ZNF274: variants seen among roughly 807,000 people sequenced by gnomAD.
The protein encoded by ZNF274 is zinc finger protein 274, also known as neurotrophin receptor-interacting factor homolog.
ZNF274 carries 23 observed loss-of-function variants against 42.5 expected under a neutral mutation model. That is an observed-to-expected ratio of 0.54 (90% CI 0.39 to 0.77). ZNF274 has a LOEUF of 0.77. ZNF274 is among the 30% of genes least tolerant of loss of function. The pLI is 0.00. For missense variants in ZNF274, 679 were observed against 806.5 expected (o/e 0.84, Z 1.91); for synonymous variants, 292 against 305.4 (o/e 0.96, Z 0.46).
intron 4 of ZNF274, among the ~76,000 whole-genome samples, chr19:58,190,558 A>G (rs948238899): frequency 3.9e-5 from 6 of 152,278 alleles, no homozygotes; most frequent in African/African-American, 1.2e-4. Flanking sequence ...AATATCTTCT[A>G]TTTCCCTTCT....
At position 58,212,362 on chromosome 19, in the gene ZNF274, T is replaced by G; in HGVS notation, c.1181T>G (p.Leu394Arg). Residue 394 changes from leucine (L) to arginine (R), a missense_variant, in exon 8 of 8, where the codon CTT (leucine) becomes CGT (arginine). Leu to Arg is a moderately radical substitution (Grantham distance 102). Around this residue, in one of 2 missense-constraint regions of ZNF274, gnomAD observed 456 missense variants for 590.1 expected, o/e 0.77. Transcript: ENST00000617501. The surrounding 1 kb of genome is among the most constrained non-coding windows in gnomAD (Gnocchi z 4.6). ...ATGGAGTCTGCTCAGGAAAAAGACC[T>G]TCCTCAGAAGAAGCACTTTGACAAC... ...KQMESAQEKD[L>R]PQKKHFDNRE... 1 of 1,613,934 alleles carries G rather than the reference T, an allele frequency of 6.2e-7. No homozygotes were observed. Among genetic ancestry groups the G allele is most frequent in the South Asian group, 1.1e-5 (1 of 91,078 alleles).
chr19:58,186,754 G>C (rs760511229), intron 3 of ZNF274, among the ~76,000 whole-genome samples, 193 bp from the exon 4 acceptor site: 5 of 150,588 alleles, frequency 3.3e-5, no homozygotes, highest in Non-Finnish European at 4.4e-5. Context: ...GACCAGAACT[G>C]GACCCCTTAG....
intron 4 of ZNF274, among the ~76,000 whole-genome samples, chr19:58,194,732 G>A (rs1444336265): frequency 1.4e-5 from 2 of 146,814 alleles, no homozygotes; most frequent in Non-Finnish European, 3.1e-5. Flanking sequence ...CTTCGGCCGG[G>A]CGCGGTGGCT....
In ZNF274 at chr19:58,207,247, T is replaced by G. The variant is rs998898533; in HGVS notation, c.739+45T>G. The G allele has an allele frequency of 6.4e-7, 1 of 1,556,820 alleles. No individual in the cohort carries two copies. Among genetic ancestry groups the G allele is most frequent in the East Asian group, 2.3e-5 (1 of 44,132 alleles). Reference sequence around the variant, plus strand: ...GAGGGACAGCTTAATGAGGGTGTCTTGGAGTACCCTGTGGGGGAGATAAGA... The same window carrying G: ...GAGGGACAGCTTAATGAGGGTGTCTGGGAGTACCCTGTGGGGGAGATAAGA... On this transcript the variant is annotated intron_variant, in intron 5 of 7. Transcript: ENST00000617501. This position sits in a 1 kb window ranked among gnomAD's most constrained non-coding sequence, Gnocchi z 5.6.
chr19:58,193,931 A>T (rs181756933), intron 4 of ZNF274, among the ~76,000 whole-genome samples: 7 of 152,090 alleles, frequency 4.6e-5, no homozygotes, highest in Non-Finnish European at 8.8e-5. Context: ...GTCTCAAAAA[A>T]ATATATCTAT....
rs1197362213 is a variant in ZNF274 at position 58,184,740 on chromosome 19, T to G, written c.33+742T>G. On this transcript the variant is annotated intron_variant, in intron 2 of 7. Transcript: ENST00000617501. ...AAGCATCAGGGCCCTGGGTAGGGGC[T>G]GACGGCTTGGGTGTGATGGTGCAGC... 5 of 152,290 alleles carry G rather than the reference T, an allele frequency of 3.3e-5. No individual in the cohort carries two copies. In the East Asian group the frequency reaches 9.6e-4, roughly 29 times the overall value. 9.4% of individuals were successfully genotyped at this position (152,290 alleles called of 1,614,324 possible). A position where few individuals can be genotyped will look rare whatever the true frequency, so the allele number is the denominator to read the frequency against.
At chr19:58,187,481 G>A (rs1437629593) in intron 4 of ZNF274, among the ~76,000 whole-genome samples, 5 of 152,306 alleles carry the variant, frequency 3.3e-5, no homozygotes, top group African/African-American at 1.2e-4. Flanking sequence ...GAGTGCAGTG[G>A]CATGATCTCA....
chr19:58,197,556 C>G (rs550356110), intron 4 of ZNF274, among the ~76,000 whole-genome samples: 1 of 152,140 alleles, frequency 6.6e-6, no homozygotes, highest in South Asian at 2.1e-4. Flanking sequence ...TCTGTATGTC[C>G]CCATTTGCTA....
Position 58,209,992 on chromosome 19 carries a change from C to T in ZNF274, c.771C>T (p.Thr257=), listed in dbSNP as rs1411093552. 8 of 1,613,412 alleles carry T rather than the reference C, an allele frequency of 5.0e-6. No individual in the cohort carries two copies. The highest frequency in any genetic ancestry group is 6.8e-6 in the Non-Finnish European group (8 of 1,179,756). ...VLPAGQPAEG[T]TCCLEVTAQQ... is the part of the protein sequence containing the mutation. Reference sequence around the variant, plus strand: ...CTGCAGGACAACCTGCCGAGGGCACCACCTGCTGCCTCGAGGTCACTGCCC... The same window carrying T: ...CTGCAGGACAACCTGCCGAGGGCACTACCTGCTGCCTCGAGGTCACTGCCC... The change falls in exon 6 of 8, where the codon ACC becomes ACT. Residue 257 remains threonine (T), a synonymous_variant. Coordinates refer to ENST00000617501, the MANE Select transcript of ZNF274 (RefSeq NM_133502.3).
In ZNF274 at chr19:58,207,221, A is replaced by C. The variant is rs368549439; in HGVS notation, c.739+19A>C. On this transcript the variant is annotated intron_variant, in intron 5 of 7. Coordinates refer to ENST00000617501, the MANE Select transcript of ZNF274 (RefSeq NM_133502.3). This position sits in a 1 kb window ranked among gnomAD's most constrained non-coding sequence, Gnocchi z 5.6. ...GAGGAAGGTAAGTAGAAGGGTGGGT[A>C]GAGGGACAGCTTAATGAGGGTGTCT... 27 of 1,595,934 alleles carry C rather than the reference A, an allele frequency of 1.7e-5. 1 individual carries two copies. The highest frequency in any genetic ancestry group is 1.9e-5 in the Non-Finnish European group (22 of 1,170,240).
intron 5 of ZNF274, chr19:58,209,347 G>C (rs892286731): frequency 6.6e-6 from 1 of 152,398 alleles, no homozygotes; most frequent in African/African-American, 2.4e-5. Flanking sequence ...TTGATGGTGG[G>C]GGTAGATTAG....
At chr19:58,194,371 CTTTTTTT>C (rs766266627) in intron 4 of ZNF274, among the ~76,000 whole-genome samples, 661 of 64,184 alleles carry the variant, frequency 0.01, 3 homozygotes, top group Non-Finnish European at 0.015. Flanking sequence ...TGTTTTTTAC[CTTTTTTT>C]TTTTTTTTTT....
rs34444681 is a variant in ZNF274 at position 58,203,579 on chromosome 19, CA to C, written c.257-3124del. Among the ~76,000 whole-genome samples the C allele has an allele frequency of 4.6e-3, 369 of 80,266 alleles. 1 individual carries two copies. Among genetic ancestry groups the C allele is most frequent in the South Asian group, 0.011 (21 of 2,000 alleles). The allele number at this position is 80,266 out of a possible 152,430, so 52.7% of individuals were successfully genotyped here. On this transcript the variant is annotated intron_variant, in intron 4 of 7. Coordinates refer to ENST00000617501, the MANE Select transcript of ZNF274 (RefSeq NM_133502.3). The stretch of plus-strand genomic sequence containing the variant: ...GGCGACTAAGAGCGAAACTCCGTCT[CA>C]AAAAAAAAAAAAAAAAGAAAAAAAC...
chr19:58,197,140 C>T (rs2445857), intron 4 of ZNF274, among the ~76,000 whole-genome samples: 26,980 of 152,144 alleles, frequency 0.18, 3,080 homozygotes, highest in East Asian at 0.36. Flanking sequence ...TACCTGAGAA[C>T]ATAGGGCTGG....
Position 58,207,010 on chromosome 19 carries a change from C to T in ZNF274, c.547C>T (p.Arg183Ter), listed in dbSNP as rs914592256. The change falls in exon 5 of 8, where the codon CGA (arginine) becomes TGA (stop). Residue 183 changes from arginine to a stop codon, truncating the protein, a stop_gained. Coordinates refer to ENST00000617501, the MANE Select transcript of ZNF274 (RefSeq NM_133502.3). LOFTEE classifies it high-confidence loss of function. This position sits in a 1 kb window ranked among gnomAD's most constrained non-coding sequence, Gnocchi z 5.6. ...TCCCCGGGAGGCCCTGGACCAGCTC[C>T]GAGAGCTGTGTCACCAGTGGCTACA... ...TGPREALDQL[R>*]ELCHQWLQPK... The T allele has an allele frequency of 1.4e-5, 23 of 1,610,760 alleles. No individual in the cohort carries two copies. The highest frequency in any genetic ancestry group is 6.7e-5 in the African/African-American group (5 of 74,868).
chr19:58,184,777 C>G (rs1179249875), intron 2 of ZNF274: 1 of 152,174 alleles, frequency 6.6e-6, no homozygotes, highest in Non-Finnish European at 1.5e-5. Context: ...CAGAGAATTC[C>G]CTAGGAGGCA....
chr19:58,187,586 T>A (rs1350652597), intron 4 of ZNF274, among the ~76,000 whole-genome samples: 1 of 152,028 alleles, frequency 6.6e-6, no homozygotes, highest in Non-Finnish European at 1.5e-5. Context: ...CATGCCCGTT[T>A]AATTGTTTTT....
intron 6 of ZNF274, 42 bp downstream of exon 6, chr19:58,210,115 T>G: frequency 2.0e-5 from 31 of 1,547,864 alleles, no homozygotes; most frequent in African/African-American, 2.7e-5. Flanking sequence ...CAGCATCTCC[T>G]GTGAGGCAGG....
At chr19:58,188,702 A>ATGTATATG (rs757392884) in intron 4 of ZNF274, among the ~76,000 whole-genome samples, 14 of 112,156 alleles carry the variant, frequency 1.2e-4, no homozygotes, top group South Asian at 5.2e-4. Flanking sequence ...ATGTATATAT[A>ATGTATATG]TATATATATA....
Sources: gnomAD v4.1 joint callset for allele counts (sites outside exome capture counted in the v4.1 genomes callset) on GRCh38, gnomAD v4.1.1 for gene constraint, gnomAD v4.1.1 regional missense constraint, Gnocchi (gnomAD v3.1) non-coding constraint, MANE v1.5 for transcripts, NCBI Gene and HGNC (gene_info 2026-07-23, HGNC 2026-07-21) for gene names.